The following CCNJL variants were observed in gnomAD, a reference collection of about 807,000 sequenced individuals.
The protein encoded by CCNJL is cyclin J like.
Under a neutral mutation model 33.4 loss-of-function variants are expected in CCNJL, and 33 were observed. The ratio of observed to expected loss-of-function variants is 0.99; its 90% confidence interval spans 0.75 to 1.32. The LOEUF (loss-of-function observed/expected upper bound fraction) is 1.32, where lower values mean the gene tolerates loss of function less well. Ranked by LOEUF, CCNJL falls within the 40% of genes most tolerant of loss-of-function variation. CCNJL has a pLI of 0.00. For synonymous variants in CCNJL, 227 were observed against 220.9 expected (o/e 1.03, Z -0.24); for missense variants, 512 against 499.7 (o/e 1.02, Z -0.23).
intron 1 of CCNJL, among the ~76,000 whole-genome samples, chr5:160,333,124 A>ATT (rs1013125021): frequency 1.7e-4 from 25 of 143,368 alleles, no homozygotes; most frequent in Non-Finnish European, 2.6e-4. Flanking sequence ...GTCTCTACAA[A>ATT]TTTTTTTTTT....
intron 1 of CCNJL, among the ~76,000 whole-genome samples, chr5:160,320,818 T>TTTCTTTCTTTCC: frequency 9.1e-6 from 1 of 109,842 alleles, no homozygotes; most frequent in African/African-American, 3.6e-5. Context: ...TCTTTCTTTC[T>TTTCTTTCTTTCC]TTCTTTCTTT....
At chr5:160,272,971 T>C (rs894806547) in intron 3 of CCNJL, among the ~76,000 whole-genome samples, 1 of 152,214 alleles carries the variant, frequency 6.6e-6, no homozygotes, top group Non-Finnish European at 1.5e-5. Flanking sequence ...TGACAGTGTT[T>C]ATAAAACAAA....
chr5:160,306,676 T>C (rs922882507), intron 2 of CCNJL, among the ~76,000 whole-genome samples: 6 of 152,206 alleles, frequency 3.9e-5, no homozygotes, highest in Non-Finnish European at 5.9e-5. Flanking sequence ...AACATAACTA[T>C]TTCCTTCTAA....
chr5:160,280,682 GA>G lies in CCNJL; in HGVS notation c.122del (p.Phe41SerfsTer6). 1 of 1,613,352 alleles carries G rather than the reference GA, an allele frequency of 6.2e-7. No individual in the cohort carries two copies. Among genetic ancestry groups the G allele is most frequent in the Non-Finnish European group, 8.5e-7 (1 of 1,179,816 alleles). ...AHSPLLKSRRFFVDILTLLSS... is the reference protein window; with the variant it reads ...AHSPLLKSRRXFVDILTLLSS... ...TCAGCAGGGTCAGGATGTCCACGAA[GA>G]ACCGGCGGCTCTTCAGGAGTGGGGA... On this transcript the variant is annotated frameshift_variant, in exon 3 of 6. Coordinates refer to ENST00000257536, the MANE Select transcript of CCNJL (RefSeq NM_001308173.3). LOFTEE classifies it high-confidence loss of function.
intron 5 of CCNJL, chr5:160,255,121 T>A (rs1437738080): frequency 6.5e-6 from 1 of 152,838 alleles, no homozygotes; most frequent in Non-Finnish European, 1.5e-5. Context: ...AAGACCAGCC[T>A]GACCAACATG....
At chr5:160,300,183 C>T (rs1422320586) in intron 2 of CCNJL, among the ~76,000 whole-genome samples, 1 of 152,074 alleles carries the variant, frequency 6.6e-6, no homozygotes, top group Non-Finnish European at 1.5e-5. Flanking sequence ...GCTCCAGGGA[C>T]CTACAAGGCA....
intron 2 of CCNJL, among the ~76,000 whole-genome samples, chr5:160,295,785 G>A (rs1762732899): frequency 6.6e-6 from 1 of 152,166 alleles, no homozygotes; most frequent in Admixed American, 6.5e-5. Context: ...GCCTTCAGAG[G>A]GAACCATGGT....
intron 1 of CCNJL, among the ~76,000 whole-genome samples, chr5:160,321,455 C>T (rs994430997): frequency 3.9e-5 from 6 of 152,146 alleles, no homozygotes; most frequent in African/African-American, 1.4e-4. Context: ...CACAAAGCCA[C>T]CTTCTATGAG....
chr5:160,303,394 C>T (rs541728642), intron 2 of CCNJL, among the ~76,000 whole-genome samples: 1 of 151,992 alleles, frequency 6.6e-6, no homozygotes, highest in Non-Finnish European at 1.5e-5. Flanking sequence ...TTAGTAGAGA[C>T]AGGGTTTCTC....
intron 2 of CCNJL, among the ~76,000 whole-genome samples, chr5:160,289,042 G>A (rs183090011): frequency 7.9e-5 from 12 of 152,224 alleles, no homozygotes; most frequent in Admixed American, 6.5e-4. Context: ...GTTTTCCACC[G>A]TAAGGTTGTG....
intron 1 of CCNJL, among the ~76,000 whole-genome samples, chr5:160,323,418 T>C (rs1763499154): frequency 6.6e-6 from 1 of 152,200 alleles, no homozygotes; most frequent in Non-Finnish European, 1.5e-5. Flanking sequence ...ACTAGCTACA[T>C]AATATTCTAT....
At chr5:160,272,930 A>G (rs533458179) in intron 3 of CCNJL, among the ~76,000 whole-genome samples, 14 of 152,362 alleles carry the variant, frequency 9.2e-5, no homozygotes, top group African/African-American at 3.4e-4. Flanking sequence ...GGCAACCTGA[A>G]TGTCCAAAAA....
intron 1 of CCNJL, among the ~76,000 whole-genome samples, chr5:160,320,134 A>G (rs1763422355): frequency 6.6e-6 from 1 of 152,148 alleles, no homozygotes; most frequent in South Asian, 2.1e-4. Flanking sequence ...AAATGAGAAA[A>G]CTACTCTTTC....
intron 2 of CCNJL, among the ~76,000 whole-genome samples, chr5:160,303,710 G>C (rs886702759): frequency 1.1e-5 from 1 of 91,902 alleles, no homozygotes; most frequent in Non-Finnish European, 2.3e-5. Context: ...CTGTGTGTGT[G>C]TGTGTGTGTG....
chr5:160,253,570 C>T lies in CCNJL; in HGVS notation c.972G>A (p.Gly324=). ...GGGTGTGGAGGGATGAGCCTGTACTCCCCGAGAGCAGGCTCCCTGAACGGT... is the reference window on the plus strand; with the variant it reads ...GGGTGTGGAGGGATGAGCCTGTACTTCCCGAGAGCAGGCTCCCTGAACGGT... The part of the protein sequence containing the change: ...QAHRSGSLLS[G]STGSSLHTPY... The change falls in exon 6 of 6, where the codon GGG becomes GGA. Residue 324 remains glycine (G), a synonymous_variant. Coordinates refer to ENST00000257536, the MANE Select transcript of CCNJL (RefSeq NM_001308173.3). 6.2e-7 allele frequency: 1 copy of T among 1,614,142 alleles called. No individual in the cohort carries two copies. Among genetic ancestry groups the T allele is most frequent in the Non-Finnish European group, 8.5e-7 (1 of 1,180,008 alleles).
upstream of CCNJL, chr5:160,312,934 C>CTCT (rs1763325964): frequency 6.9e-6 from 1 of 144,932 alleles, no homozygotes; most frequent in African/African-American, 2.6e-5. Flanking sequence ...TTCTCTCTCT[C>CTCT]TTTTTTTTTT....
rs552618532 is a variant in CCNJL at position 160,255,421 on chromosome 5, T to G, written c.743+128A>C. Reference sequence around the variant, plus strand: ...AGGAGTCACCATGGCCCACTTTCCCTGAGACCCTGTAGCTGGAAGAACCAC... The same window carrying G: ...AGGAGTCACCATGGCCCACTTTCCCGGAGACCCTGTAGCTGGAAGAACCAC... On this transcript the variant is annotated intron_variant, in intron 5 of 5. Coordinates refer to ENST00000257536, the MANE Select transcript of CCNJL (RefSeq NM_001308173.3). 1.3e-4 allele frequency: 102 copies of G among 813,110 alleles called. 2 individuals carry two copies. In the South Asian group the frequency reaches 1.9e-3, roughly 15 times the overall value. The allele number at this position is 813,110 out of a possible 1,614,324, so 50.4% of individuals were successfully genotyped here.
intron 3 of CCNJL, among the ~76,000 whole-genome samples, chr5:160,266,112 C>G (rs527856173): frequency 2.2e-4 from 33 of 152,352 alleles, no homozygotes; most frequent in African/African-American, 7.7e-4. Context: ...AAGGACCGCC[C>G]AGTGGTACCC....
intron 2 of CCNJL, among the ~76,000 whole-genome samples, chr5:160,295,375 G>C (rs543204511): frequency 6.6e-6 from 1 of 152,296 alleles, no homozygotes; most frequent in Admixed American, 6.5e-5. Flanking sequence ...CGTAGTCCCA[G>C]CTACTCGGGA....
Sources: allele counts gnomAD v4.1 joint callset (sites outside exome capture counted in the v4.1 genomes callset), GRCh38; gene constraint gnomAD v4.1.1; transcripts MANE v1.5; gene names NCBI Gene and HGNC (gene_info 2026-07-23, HGNC 2026-07-21).